ATP10B: variants seen among roughly 807,000 people sequenced by gnomAD.
The protein encoded by ATP10B is ATPase phospholipid transporting 10B (putative).
A neutral mutation model predicts 141.2 loss-of-function variants in ATP10B; 122 were observed. The observed-to-expected ratio is 0.86, with a 90% CI of 0.75 to 1.00. ATP10B has a LOEUF of 1.00. Ranked by LOEUF, ATP10B falls within the 50% of genes least tolerant of loss-of-function variation. The probability of loss-of-function intolerance (pLI) is 0.00; values close to 1 mark genes in which losing one functional copy is unlikely to be tolerated. For missense variants in ATP10B, 1,876 were observed against 1,825.3 expected, an observed-to-expected ratio of 1.03 and a Z score of -0.51; for synonymous variants, 685 against 692.0, an observed-to-expected ratio of 0.99 and a Z score of 0.16.
intron 1 of ATP10B, among the ~76,000 whole-genome samples, chr5:160,819,824 T>C (rs1318205866): frequency 2.0e-5 from 3 of 152,040 alleles, no homozygotes; most frequent in African/African-American, 7.2e-5. Context: ...AAAAAACATA[T>C]AATGGATACA....
chr5:160,649,348 G>T, intron 7 of ATP10B, 92 bp from the exon 8 acceptor site: 2 of 883,592 alleles, frequency 2.3e-6, no homozygotes, highest in Non-Finnish European at 3.6e-6. Context: ...TAGAACCATT[G>T]CAAATAAGGT....
At chr5:160,670,914 C>G (rs1360005642) in intron 6 of ATP10B, among the ~76,000 whole-genome samples, 1 of 152,020 alleles carries the variant, frequency 6.6e-6, no homozygotes, top group East Asian at 1.9e-4. Flanking sequence ...CACCTGTAAT[C>G]CCAGCACTTT....
the ATP10B span, among the ~76,000 whole-genome samples, chr5:160,877,768 G>C: frequency 8.5e-6 from 1 of 117,290 alleles, no homozygotes; most frequent in Non-Finnish European, 2.0e-5. Context: ...CAAATCATGA[G>C]TGAACTCCCA....
At chr5:160,593,435 G>C (rs1378858701) in intron 22 of ATP10B, among the ~76,000 whole-genome samples, 1 of 152,114 alleles carries the variant, frequency 6.6e-6, no homozygotes, top group African/African-American at 2.4e-5. Context: ...CATCATCAAA[G>C]ACCAAAAGTA....
chr5:160,769,892 C>T (rs1769757248), intron 2 of ATP10B, among the ~76,000 whole-genome samples: 1 of 152,134 alleles, frequency 6.6e-6, no homozygotes, highest in Non-Finnish European at 1.5e-5. Flanking sequence ...ATAAACAAGT[C>T]GTACAGTTCA....
chr5:160,602,014 G>A (rs1757123939), intron 21 of ATP10B, among the ~76,000 whole-genome samples: 1 of 152,038 alleles, frequency 6.6e-6, no homozygotes, highest in African/African-American at 2.4e-5. Flanking sequence ...TATATACAGA[G>A]GAAATCTGAT....
Position 160,598,794 on chromosome 5 carries a change from T to C in ATP10B, c.3540A>G (p.Leu1180=), listed in dbSNP as rs762719323. The C allele has an allele frequency of 6.2e-6, 10 of 1,614,090 alleles. 1 individual carries two copies. Among genetic ancestry groups the C allele is most frequent in the South Asian group, 4.4e-5 (4 of 91,074 alleles). The change falls in exon 22 of 26, where the codon CTA becomes CTG. Residue 1180 remains leucine (L), a synonymous_variant. Transcript: ENST00000327245. Reference sequence around the variant, plus strand: ...CCTCAGAGTTCTGGCCACTCTTGTATAGCTCAGGCAATGCCAGGAGTGTTT... The same window carrying C: ...CCTCAGAGTTCTGGCCACTCTTGTACAGCTCAGGCAATGCCAGGAGTGTTT... ...SAETLLALPE[L]YKSGQNSECY...
chr5:160,863,532 T>A, the ATP10B span, among the ~76,000 whole-genome samples: 1 of 151,912 alleles, frequency 6.6e-6, no homozygotes. Flanking sequence ...ATAGACAACC[T>A]AATCTCTCAC....
chr5:160,823,011 T>C (rs1403633182), intron 1 of ATP10B, among the ~76,000 whole-genome samples: 1 of 115,024 alleles, frequency 8.7e-6, no homozygotes, highest in African/African-American at 3.2e-5. Context: ...CATATATATA[T>C]ATATATATAT....
chr5:160,872,860 T>C, the ATP10B span, among the ~76,000 whole-genome samples: 1 of 152,178 alleles, frequency 6.6e-6, no homozygotes, highest in Non-Finnish European at 1.5e-5. Flanking sequence ...ATGCGGTCTT[T>C]TGTTTTGGTT....
At chr5:160,663,728 A>G (rs1156316088) in intron 7 of ATP10B, among the ~76,000 whole-genome samples, 4 of 152,106 alleles carry the variant, frequency 2.6e-5, no homozygotes, top group African/African-American at 9.7e-5. Flanking sequence ...AACATGGCAC[A>G]TGTATACATA....
chr5:160,727,123 C>T (rs942340964), intron 2 of ATP10B, among the ~76,000 whole-genome samples: 1 of 152,196 alleles, frequency 6.6e-6, no homozygotes, highest in African/African-American at 2.4e-5. Context: ...GGGTCCTCAA[C>T]CTTGGCAAAA....
rs774770811 is a variant in ATP10B at position 160,634,423 on chromosome 5, G to A, written c.1312C>T (p.Leu438=). Residue 438 remains leucine, a synonymous_variant, in exon 12 of 26, where the codon CTG becomes TTG. Coordinates refer to ENST00000327245, the MANE Select transcript of ATP10B (RefSeq NM_025153.3). ...QYIFSDKTGT[L]TENKMVFRRC... The stretch of plus-strand genomic sequence containing the variant: ...CGGAACACCATCTTGTTCTCTGTCA[G>A]GGTCCCCGTCTTATCGGAGAAGATG... 6 of 1,614,180 alleles carry A rather than the reference G, an allele frequency of 3.7e-6. No individual in the cohort carries two copies. In the South Asian group the frequency reaches 6.6e-5, roughly 18 times the overall value.
intron 1 of ATP10B, among the ~76,000 whole-genome samples, chr5:160,828,813 C>A (rs373099227): frequency 4.6e-5 from 7 of 150,808 alleles, no homozygotes; most frequent in African/African-American, 1.7e-4. Context: ...AACCCAAATG[C>A]CCAACAATGA....
intron 25 of ATP10B, among the ~76,000 whole-genome samples, chr5:160,568,911 T>C (rs1305684529): frequency 1.3e-5 from 2 of 152,210 alleles, no homozygotes; most frequent in Non-Finnish European, 2.9e-5. Context: ...GGATTATTTG[T>C]CTAATGCAGG....
chr5:160,735,522 G>T (rs1215835003), intron 2 of ATP10B, among the ~76,000 whole-genome samples: 1 of 152,052 alleles, frequency 6.6e-6, no homozygotes, highest in East Asian at 1.9e-4. Flanking sequence ...GCTAAAGAGA[G>T]AGATAGACCC....
intron 1 of ATP10B, among the ~76,000 whole-genome samples, chr5:160,828,692 C>T (rs1774820055): frequency 6.6e-6 from 1 of 151,840 alleles, no homozygotes; most frequent in Admixed American, 6.6e-5. Flanking sequence ...TTTGATCCAG[C>T]CATCCCATTA....
At chr5:160,900,543 T>C in the ATP10B span, among the ~76,000 whole-genome samples, 1 of 152,234 alleles carries the variant, frequency 6.6e-6, no homozygotes, top group South Asian at 2.1e-4. Flanking sequence ...TTTCCCAAAT[T>C]GTCCTCATTC....
chr5:160,614,400 A>C (rs1384826136), intron 17 of ATP10B: 1 of 152,200 alleles, frequency 6.6e-6, no homozygotes. Context: ...AACCGGAGGA[A>C]CACCTCTCAC....
Sources: gnomAD v4.1 joint callset for allele counts (sites outside exome capture counted in the v4.1 genomes callset) on GRCh38, gnomAD v4.1.1 for gene constraint, MANE v1.5 for transcripts, NCBI Gene and HGNC (gene_info 2026-07-23, HGNC 2026-07-21) for gene names.